Variants in DNAH11 observed in about 807,000 individuals in gnomAD.
The protein encoded by DNAH11 is dynein axonemal heavy chain 11.
A neutral mutation model predicts 526.0 loss-of-function variants in DNAH11; 442 were observed. That is an observed-to-expected ratio of 0.84 (90% CI 0.78 to 0.91). The LOEUF is 0.91. DNAH11 is among the 40% of genes least tolerant of loss of function. The pLI is 0.00. For synonymous variants in DNAH11, 2,461 were observed against 1,935.9 expected (o/e 1.27, Z -7.12); for missense variants, 6,989 against 5,448.7 (o/e 1.28, Z -8.90).
At chr7:21,744,802 C>T in intron 50 of DNAH11, 68 bp from the exon 51 acceptor site, 1 of 1,533,170 alleles carries the variant, frequency 6.5e-7, no homozygotes. Flanking sequence ...CTTGCTAGGC[C>T]ATGCTGCCTG....
chr7:21,682,552 TTC>T (rs1783189909), intron 31 of DNAH11, among the ~76,000 whole-genome samples: 1 of 149,718 alleles, frequency 6.7e-6, no homozygotes, highest in African/African-American at 2.5e-5. Context: ...AAAAAAAAAT[TTC>T]TGTGTGTCTT....
intron 74 of DNAH11, among the ~76,000 whole-genome samples, chr7:21,877,036 T>C (rs181270176): frequency 6.6e-6 from 1 of 152,324 alleles, no homozygotes; most frequent in African/African-American, 2.4e-5. Context: ...GCTGCTGTGG[T>C]CCAATCTTGT....
At chr7:21,845,594 T>A (rs1274412868) in intron 66 of DNAH11, among the ~76,000 whole-genome samples, 2 of 152,220 alleles carry the variant, frequency 1.3e-5, no homozygotes, top group Non-Finnish European at 2.9e-5. Context: ...TGTTTGTCTA[T>A]CCTTTTATCA....
chr7:21,762,532 A>C (rs1562531246), intron 54 of DNAH11, among the ~76,000 whole-genome samples: 1 of 152,222 alleles, frequency 6.6e-6, no homozygotes. Flanking sequence ...TATAAGGAGA[A>C]AGCTGATAAG....
intron 30 of DNAH11, 32 bp downstream of exon 30, chr7:21,659,063 A>T: frequency 6.8e-7 from 1 of 1,479,724 alleles, no homozygotes; most frequent in South Asian, 1.3e-5. Context: ...TTGAGACATA[A>T]AGGAACTTCA....
At chr7:21,897,760 G>T in intron 79 of DNAH11, among the ~76,000 whole-genome samples, 1 of 152,104 alleles carries the variant, frequency 6.6e-6, no homozygotes, top group Admixed American at 6.5e-5. Context: ...GGGATTACAG[G>T]CATGTGCCAC....
intron 65 of DNAH11, among the ~76,000 whole-genome samples, chr7:21,838,955 A>T (rs532626434): frequency 6.6e-6 from 1 of 152,258 alleles, no homozygotes; most frequent in Non-Finnish European, 1.5e-5. Context: ...TGTTCCCATT[A>T]GCAGTGTATG....
At chr7:21,723,428 A>G (rs2128484745) in intron 44 of DNAH11, among the ~76,000 whole-genome samples, 1 of 152,304 alleles carries the variant, frequency 6.6e-6, no homozygotes, top group East Asian at 1.9e-4. Flanking sequence ...CCTCCAAAAC[A>G]AGTTTCAAAT....
At chr7:21,857,969 T>G (rs532440460) in intron 68 of DNAH11, among the ~76,000 whole-genome samples, 1 of 152,122 alleles carries the variant, frequency 6.6e-6, no homozygotes, top group South Asian at 2.1e-4. Flanking sequence ...TCAAAAGATA[T>G]GAAGATGAAA....
chr7:21,901,442 G>A lies in DNAH11; in HGVS notation c.*188G>A. The A allele has an allele frequency of 1.3e-6, 1 of 746,106 alleles. No homozygotes were observed. Among genetic ancestry groups the A allele is most frequent in the Non-Finnish European group, 1.9e-6 (1 of 533,520 alleles). The allele number at this position is 746,106 out of a possible 1,614,324, so 46.2% of individuals were successfully genotyped here. On this transcript the variant is annotated 3_prime_UTR_variant, in exon 82 of 82. Transcript: ENST00000409508. ...AACTAACTCAGGGCTGAGCGTGGTG[G>A]CACACGACTGTAATCCCAGTTACTC...
chr7:21,816,415 C>T lies in DNAH11; in HGVS notation c.10333-52C>T, dbSNP rs550733450. On this transcript the variant is annotated intron_variant, in intron 63 of 81. Coordinates refer to ENST00000409508, the MANE Select transcript of DNAH11 (RefSeq NM_001277115.2). Reference sequence around the variant, plus strand: ...TTTGTTCTCTTCTTTTCTTGTCTGTCTTCTCTCTCTGCCACATGACCAATT... The same window carrying T: ...TTTGTTCTCTTCTTTTCTTGTCTGTTTTCTCTCTCTGCCACATGACCAATT... 1.2e-3 allele frequency: 1,729 copies of T among 1,397,254 alleles called. 5 individuals carry two copies. The highest frequency in any genetic ancestry group is 2.1e-3 in the South Asian group (168 of 80,154). 86.6% of individuals were successfully genotyped at this position (1,397,254 alleles called of 1,614,324 possible).
At chr7:21,607,846 G>A (rs1373315948) in intron 20 of DNAH11, among the ~76,000 whole-genome samples, 2 of 150,390 alleles carry the variant, frequency 1.3e-5, no homozygotes, top group East Asian at 3.9e-4. Flanking sequence ...GCTGAGGCAG[G>A]GGAATCTCTT....
intron 74 of DNAH11, among the ~76,000 whole-genome samples, chr7:21,878,595 C>A (rs985386009): frequency 4.6e-5 from 7 of 152,104 alleles, no homozygotes; most frequent in African/African-American, 1.7e-4. Flanking sequence ...TATTTCCAAG[C>A]CCCATAAATG....
intron 54 of DNAH11, among the ~76,000 whole-genome samples, chr7:21,759,960 G>A (rs1287360150): frequency 6.6e-6 from 1 of 152,238 alleles, no homozygotes; most frequent in Non-Finnish European, 1.5e-5. Flanking sequence ...GAAGTACGTA[G>A]ATGGTGATTT....
chr7:21,862,347 TAC>T (rs1180046868), intron 69 of DNAH11, among the ~76,000 whole-genome samples: 1 of 152,140 alleles, frequency 6.6e-6, no homozygotes, highest in African/African-American at 2.4e-5. Context: ...TTCCAGGCAC[TAC>T]CAGGAAGGTT....
chr7:21,668,067 T>C (rs187003107), intron 30 of DNAH11, among the ~76,000 whole-genome samples: 2 of 152,288 alleles, frequency 1.3e-5, no homozygotes, highest in Admixed American at 6.5e-5. Context: ...AGTTCTAATA[T>C]ACTTGATAGA....
At chr7:21,638,642 A>T (rs1350432732) in intron 27 of DNAH11, among the ~76,000 whole-genome samples, 2 of 152,000 alleles carry the variant, frequency 1.3e-5, no homozygotes, top group Non-Finnish European at 2.9e-5. Flanking sequence ...CGGAAAAGCA[A>T]TGAATAATGT....
chr7:21,708,823 G>A (rs1285256179), intron 40 of DNAH11, among the ~76,000 whole-genome samples: 1 of 152,160 alleles, frequency 6.6e-6, no homozygotes, highest in Non-Finnish European at 1.5e-5. Context: ...CTGGTGAAAT[G>A]TCATATCAGA....
chr7:21,572,484 C>G (rs1252548658), intron 8 of DNAH11, among the ~76,000 whole-genome samples: 2 of 152,160 alleles, frequency 1.3e-5, no homozygotes, highest in Non-Finnish European at 2.9e-5. Flanking sequence ...TAAGCTGCTT[C>G]TGTGCTCTGT....
Sources: allele counts gnomAD v4.1 joint callset (sites outside exome capture counted in the v4.1 genomes callset), GRCh38; gene constraint gnomAD v4.1.1; transcripts MANE v1.5; gene names NCBI Gene and HGNC (gene_info 2026-07-23, HGNC 2026-07-21).